Variants in LY75 observed in about 807,000 individuals in gnomAD.
LY75 encodes C-type lectin domain family 13 member B.
Under a neutral mutation model 231.7 loss-of-function variants are expected in LY75, and 185 were observed. The ratio of observed to expected loss-of-function variants is 0.80; its 90% CI spans 0.71 to 0.90. The LOEUF is 0.90. Among genes scored for constraint, LY75 ranks in the 40% least tolerant of loss-of-function variants. The probability of loss-of-function intolerance (pLI) is 0.00; values close to 1 mark genes in which losing one functional copy is unlikely to be tolerated. For missense variants in LY75, 1,947 were observed against 2,050.2 expected, an observed-to-expected ratio of 0.95 and a Z score of 0.97; for synonymous variants, 668 against 689.0, an observed-to-expected ratio of 0.97 and a Z score of 0.48.
At chr2:159,865,521 G>A (rs2729720) in intron 13 of LY75, among the ~76,000 whole-genome samples, 5,233 of 152,132 alleles carry the variant, frequency 0.034, 255 homozygotes, top group East Asian at 0.16. Flanking sequence ...ATGACACAGA[G>A]AAGTATAAGA....
chr2:159,835,679 T>C lies in LY75; in HGVS notation c.3508-34A>G, dbSNP rs1265441412. 6 of 1,605,520 alleles carry C rather than the reference T, an allele frequency of 3.7e-6. No individual in the cohort carries two copies. In the African/African-American group the frequency reaches 6.7e-5, roughly 18 times the overall value. On this transcript the variant is annotated intron_variant, in intron 25 of 34. Coordinates refer to ENST00000263636, the MANE Select transcript of LY75 (RefSeq NM_002349.4). ...AGCAGAAGTACATTTCAGGTGGCAA[T>C]ATTGATGTTAACCCTTTGTATTATT...
chr2:159,816,903 T>A lies in LY75; in HGVS notation c.4283A>T (p.His1428Leu). The A allele has an allele frequency of 6.2e-7, 1 of 1,614,206 alleles. No individual in the cohort carries two copies. The highest frequency in any genetic ancestry group is 8.5e-7 in the Non-Finnish European group (1 of 1,180,014). ...ALNMCSQSGG[H>L]LASVHNQNGQ... Reference sequence around the variant, plus strand: ...ATTTTGGTTGTGAACGCTTGCCAAGTGACCTCCACTTTGAGAACACATGTT... The same window carrying A: ...ATTTTGGTTGTGAACGCTTGCCAAGAGACCTCCACTTTGAGAACACATGTT... Residue 1428 changes from histidine to leucine, a missense_variant, in exon 30 of 35, where the codon CAC becomes CTC. His to Leu is a moderately conservative substitution (Grantham distance 99). Coordinates refer to ENST00000263636, the MANE Select transcript of LY75 (RefSeq NM_002349.4).
At chr2:159,873,140 G>A (rs1389692077) in intron 12 of LY75, among the ~76,000 whole-genome samples, 1 of 151,372 alleles carries the variant, frequency 6.6e-6, no homozygotes, top group Non-Finnish European at 1.5e-5. Flanking sequence ...GAAAAAGAAA[G>A]AAGAAGAAAG....
chr2:159,878,578 G>A (rs1168394220), intron 10 of LY75, 55 bp downstream of exon 10: 3 of 1,612,542 alleles, frequency 1.9e-6, no homozygotes, highest in Non-Finnish European at 2.5e-6. Flanking sequence ...AAGACTGTTT[G>A]GCAAAAGAAT....
chr2:159,821,264 A>G (rs1360113967), intron 28 of LY75, among the ~76,000 whole-genome samples: 2 of 152,194 alleles, frequency 1.3e-5, no homozygotes, highest in African/African-American at 4.8e-5. Flanking sequence ...ACCACACACA[A>G]AAATTAAAGT....
At chr2:159,864,779 A>T in intron 14 of LY75, 60 bp downstream of exon 14, 1 of 1,434,122 alleles carries the variant, frequency 7.0e-7, no homozygotes, top group Non-Finnish European at 9.3e-7. Context: ...TTAACAATCA[A>T]CTTGTTATTG....
rs142516324 is a variant in LY75 at position 159,878,395 on chromosome 2, T to C, written c.1703A>G (p.Glu568Gly). The C allele has an allele frequency of 4.3e-6, 7 of 1,614,094 alleles. No individual in the cohort carries two copies. The highest frequency in any genetic ancestry group is 1.7e-4 in the Middle Eastern group (1 of 6,060). The change falls in exon 11 of 35, where the codon GAG becomes GGG. Residue 568 changes from glutamate to glycine, a missense_variant. Transcript: ENST00000263636. ...TCCACCAACAGTTGCCCAGTTATAC[T>C]CTCCACAAGAATCTACATCTCTCAG... ...TGLRDVDSCG[E>G]YNWATVGGRR...
chr2:159,882,360 T>C lies in LY75; in HGVS notation c.1055-45A>G, dbSNP rs374098771. 127 of 1,575,652 alleles carry C rather than the reference T, an allele frequency of 8.1e-5. 1 individual carries two copies. The Middle Eastern group carries it at 2.6e-3, about 32-fold the overall frequency. On this transcript the variant is annotated intron_variant, in intron 6 of 34. Transcript: ENST00000263636. ...TTATATTCCAGTAAAGATACATCTA[T>C]TGTGAATCAATAACATTGCAAATTC...
chr2:159,876,649 C>T (rs965313906), intron 11 of LY75, among the ~76,000 whole-genome samples: 4 of 152,002 alleles, frequency 2.6e-5, no homozygotes, highest in Non-Finnish European at 5.9e-5. Flanking sequence ...AGCTACTTCC[C>T]AAGCACCTCT....
chr2:159,880,728 C>T (rs371204516), intron 8 of LY75, among the ~76,000 whole-genome samples: 6 of 152,166 alleles, frequency 3.9e-5, no homozygotes, highest in African/African-American at 1.4e-4. Flanking sequence ...ACAATTTTTT[C>T]CACAGAGGGT....
rs759898654 is a variant in LY75, at chr2:159,835,567, C to G, written c.3586G>C (p.Asp1196His). 3.1e-6 allele frequency: 5 copies of G among 1,613,710 alleles called. No individual in the cohort carries two copies. The highest frequency in any genetic ancestry group is 4.2e-6 in the Non-Finnish European group (5 of 1,179,880). The change falls in exon 26 of 35, where the codon GAC (aspartate) becomes CAC (histidine). Residue 1196 changes from aspartate (D) to histidine (H), a missense_variant. By Grantham distance (81) the Asp-to-His change is moderately conservative. Coordinates refer to ENST00000263636, the MANE Select transcript of LY75 (RefSeq NM_002349.4). ...CCATCAGTGTCTAATACTACACAGT[C>G]TTCGAGTTGCCCATTAGTTTCAGCC... Reference protein sequence around the residue: ...RWAETNGQLEDCVVLDTDGFW... With the variant: ...RWAETNGQLEHCVVLDTDGFW...
intron 13 of LY75, among the ~76,000 whole-genome samples, chr2:159,870,140 C>T (rs1255253431): frequency 1.3e-5 from 2 of 152,160 alleles, no homozygotes; most frequent in African/African-American, 2.4e-5. Flanking sequence ...ATGAGAAAAA[C>T]ACAGCAGAAG....
Position 159,842,242 on chromosome 2 carries a change from T to C in LY75, c.3280+3A>G. 6.2e-7 allele frequency: 1 copy of C among 1,609,514 alleles called. No homozygotes were observed. The stretch of plus-strand genomic sequence containing the variant: ...CCATAGTTATCTAGATAATAATTGT[T>C]ACCTGAATATTTCTGACAGAGAGAC... On this transcript the variant is annotated splice_donor_region_variant and intron_variant, in intron 24 of 34. Transcript: ENST00000263636.
chr2:159,897,908 C>A (rs1043978339), intron 2 of LY75, among the ~76,000 whole-genome samples: 3 of 152,126 alleles, frequency 2.0e-5, no homozygotes, highest in Non-Finnish European at 4.4e-5. Flanking sequence ...ATGGTCCGCT[C>A]CCCGCAAGGC....
At chr2:159,823,031 ACTT>A (rs1188940140) in intron 28 of LY75, among the ~76,000 whole-genome samples, 9 of 152,140 alleles carry the variant, frequency 5.9e-5, no homozygotes, top group Non-Finnish European at 1.2e-4. Context: ...AAACCAGAAC[ACTT>A]CTTCTCCTCC....
intron 32 of LY75, among the ~76,000 whole-genome samples, chr2:159,809,941 G>A (rs1682907555): frequency 6.6e-6 from 1 of 152,092 alleles, no homozygotes; most frequent in South Asian, 2.1e-4. Context: ...GCCTCCCAAA[G>A]TGCTGGGATT....
In LY75 at chr2:159,898,795, C is replaced by G; in HGVS notation, c.359G>C (p.Arg120Pro). The G allele has an allele frequency of 6.2e-7, 1 of 1,614,226 alleles. No homozygotes were observed. Among genetic ancestry groups the G allele is most frequent in the Non-Finnish European group, 8.5e-7 (1 of 1,180,032 alleles). Reference protein sequence around the residue: ...CEHHSLYGAARYRLALKDGHG... With the variant: ...CEHHSLYGAAPYRLALKDGHG... ...TCCATCCTTCAGAGCCAGCCGGTAC[C>G]GGGCAGCTCCGTACAGAGAGTGGTG... The change falls in exon 2 of 35, where the codon CGG becomes CCG. Residue 120 changes from arginine to proline, a missense_variant. Transcript: ENST00000263636.
intron 28 of LY75, 29 bp downstream of exon 28, chr2:159,831,637 CAAAT>C (rs1016007757): frequency 6.9e-6 from 11 of 1,603,512 alleles, no homozygotes; most frequent in Admixed American, 5.2e-5. Context: ...AGTACAAAAA[CAAAT>C]AGAGAAAGTT....
chr2:159,882,008 G>C, intron 7 of LY75, 116 bp downstream of exon 7: 1 of 1,255,022 alleles, frequency 8.0e-7, no homozygotes, highest in Non-Finnish European at 1.1e-6. Flanking sequence ...AATCCTATCT[G>C]ACAGGGCTGA....
Sources: gnomAD v4.1 joint callset for allele counts (sites outside exome capture counted in the v4.1 genomes callset) on GRCh38, gnomAD v4.1.1 for gene constraint, MANE v1.5 for transcripts, NCBI Gene and HGNC (gene_info 2026-07-23, HGNC 2026-07-21) for gene names.